Variants in REDIC1 observed in about 807,000 individuals in gnomAD.
The protein encoded by REDIC1 is HEI10 Interacting Protein 1.
chr12:39,906,210 A>C, the REDIC1 span, among the ~76,000 whole-genome samples: 12,100 of 152,210 alleles, frequency 0.079, 687 homozygotes, highest in Non-Finnish European at 0.12. Context: ...CAATTCTTGA[A>C]GTCAGTAATT....
chr12:39,898,850 GATATTTAGC>G, the REDIC1 span, among the ~76,000 whole-genome samples: 10 of 152,118 alleles, frequency 6.6e-5, no homozygotes, highest in African/African-American at 2.4e-4. Context: ...GTTTAAATAG[GATATTTAGC>G]ATGTTCTTCA....
chr12:39,790,137 T>C, the REDIC1 span, among the ~76,000 whole-genome samples: 1 of 151,680 alleles, frequency 6.6e-6, no homozygotes, highest in South Asian at 2.1e-4. Context: ...CTTTTTTTTT[T>C]TTGACAGACT....
chr12:39,906,440 A>G, the REDIC1 span, among the ~76,000 whole-genome samples: 1 of 152,156 alleles, frequency 6.6e-6, no homozygotes. Context: ...GTCACTAGAT[A>G]ACTTTCCCCA....
chr12:39,696,359 C>T, the REDIC1 span, among the ~76,000 whole-genome samples: 30 of 150,602 alleles, frequency 2.0e-4, 1 homozygote, highest in East Asian at 2.4e-3. Flanking sequence ...CCGGCTAAAA[C>T]GGTGAAACCC....
At chr12:39,802,870 A>C in the REDIC1 span, among the ~76,000 whole-genome samples, 1 of 152,152 alleles carries the variant, frequency 6.6e-6, no homozygotes, top group Non-Finnish European at 1.5e-5. Context: ...TAATCTAGGA[A>C]CCTCCAAGTA....
chr12:39,697,542 C>G, the REDIC1 span, among the ~76,000 whole-genome samples: 1 of 152,100 alleles, frequency 6.6e-6, no homozygotes, highest in Admixed American at 6.5e-5. Context: ...AAAATAATAA[C>G]TATATCAGCT....
the REDIC1 span, among the ~76,000 whole-genome samples, chr12:39,769,861 A>G: frequency 6.6e-6 from 1 of 151,530 alleles, no homozygotes; most frequent in South Asian, 2.1e-4. Context: ...CAACTCTCCC[A>G]CCCTCCCAGA....
chr12:39,712,995 GTGTATA>G, the REDIC1 span, among the ~76,000 whole-genome samples: 1 of 138,048 alleles, frequency 7.2e-6, no homozygotes, highest in Non-Finnish European at 1.6e-5. Context: ...GTGTATATAC[GTGTATA>G]TGTATATATA....
At chr12:39,640,457 G>A in the REDIC1 span, among the ~76,000 whole-genome samples, 1 of 151,862 alleles carries the variant, frequency 6.6e-6, no homozygotes, top group Non-Finnish European at 1.5e-5. Context: ...ACATAGATAT[G>A]AAATTTCAAG....
chr12:39,699,891 T>C, the REDIC1 span, among the ~76,000 whole-genome samples: 5 of 152,132 alleles, frequency 3.3e-5, no homozygotes, highest in Non-Finnish European at 5.9e-5. Flanking sequence ...TCCTGTCTGT[T>C]AGAAGGAAAA....
At chr12:39,638,314 G>C in the REDIC1 span, among the ~76,000 whole-genome samples, 1 of 151,992 alleles carries the variant, frequency 6.6e-6, no homozygotes, top group African/African-American at 2.4e-5. Context: ...TTCAGGGACA[G>C]AGATGCCAGG....
At chr12:39,752,757 A>T in the REDIC1 span, among the ~76,000 whole-genome samples, 1 of 152,150 alleles carries the variant, frequency 6.6e-6, no homozygotes. Flanking sequence ...TGGAAATAAG[A>T]CAGTTTTACA....
chr12:39,712,093 C>CATGT, the REDIC1 span, among the ~76,000 whole-genome samples: 26 of 95,096 alleles, frequency 2.7e-4, no homozygotes, highest in Non-Finnish European at 4.1e-4. Context: ...TATATACATA[C>CATGT]ATATATACCT....
the REDIC1 span, among the ~76,000 whole-genome samples, chr12:39,719,363 A>G: frequency 2.4e-3 from 373 of 152,256 alleles, 1 homozygote; most frequent in African/African-American, 8.1e-3. Context: ...ATGTTGGTTC[A>G]TGCTTGTAAT....
chr12:39,754,892 T>C, the REDIC1 span: 1 of 151,976 alleles, frequency 6.6e-6, no homozygotes, highest in African/African-American at 2.4e-5. Context: ...TCAAAAGAAA[T>C]AAAATATCAT....
At chr12:39,766,214 A>G in the REDIC1 span, among the ~76,000 whole-genome samples, 1 of 152,036 alleles carries the variant, frequency 6.6e-6, no homozygotes, top group South Asian at 2.1e-4. Context: ...CTCACTGCTC[A>G]GCTTAGACCA....
the REDIC1 span, among the ~76,000 whole-genome samples, chr12:39,689,671 G>A: frequency 6.6e-6 from 1 of 152,106 alleles, no homozygotes; most frequent in Non-Finnish European, 1.5e-5. Context: ...AGAAAAGGGG[G>A]CTGAGAATGA....
chr12:39,637,757 T>C, the REDIC1 span, among the ~76,000 whole-genome samples: 1 of 152,200 alleles, frequency 6.6e-6, no homozygotes, highest in East Asian at 1.9e-4. Context: ...CAAGTCCTTT[T>C]AATTATAATT....
At chr12:39,796,166 T>C in the REDIC1 span, among the ~76,000 whole-genome samples, 1 of 152,174 alleles carries the variant, frequency 6.6e-6, no homozygotes, top group Non-Finnish European at 1.5e-5. Context: ...AGACCTAACA[T>C]GTTTCCAAGG....
Sources: gnomAD v4.1 joint callset for allele counts (sites outside exome capture counted in the v4.1 genomes callset) on GRCh38, gnomAD v4.1.1 for gene constraint, MANE v1.5 for transcripts, NCBI Gene and HGNC (gene_info 2026-07-23, HGNC 2026-07-21) for gene names.